The following PACRG variants were observed in gnomAD, a reference collection of about 807,000 sequenced individuals.
PACRG encodes parkin coregulated.
PACRG carries 29 observed loss-of-function variants against 29.7 expected under a neutral mutation model. That is an observed-to-expected ratio of 0.98 (90% confidence interval 0.73 to 1.33). The LOEUF (loss-of-function observed/expected upper bound fraction) is 1.33. Among genes scored for constraint, PACRG ranks in the 40% most tolerant of loss-of-function variants. The pLI is 0.00. For synonymous variants in PACRG, 116 were observed against 118.7 expected (o/e 0.98, Z 0.15); for missense variants, 279 against 316.2 (o/e 0.88, Z 0.89).
intron 2 of PACRG, among the ~76,000 whole-genome samples, chr6:162,876,078 T>C (rs1285424658): frequency 6.6e-6 from 1 of 152,200 alleles, no homozygotes; most frequent in Non-Finnish European, 1.5e-5. Context: ...AAACCATGCA[T>C]GCTTCCCGGG....
intron 4 of PACRG, among the ~76,000 whole-genome samples, chr6:163,236,942 A>G (rs1318948237): frequency 6.6e-6 from 1 of 152,044 alleles, no homozygotes; most frequent in African/African-American, 2.4e-5. Context: ...AGTGCTACAC[A>G]CTTTTACAAC....
At chr6:163,119,434 T>C (rs1018556587) in intron 4 of PACRG, among the ~76,000 whole-genome samples, 2 of 152,198 alleles carry the variant, frequency 1.3e-5, no homozygotes, top group African/African-American at 4.8e-5. Flanking sequence ...AAATTGGCTT[T>C]TCCTGGCACG....
At chr6:162,921,198 C>T (rs1230982548) in intron 2 of PACRG, among the ~76,000 whole-genome samples, 1 of 152,102 alleles carries the variant, frequency 6.6e-6, no homozygotes, top group Non-Finnish European at 1.5e-5. Context: ...AGCCTTGTCA[C>T]GTAGACCCAG....
At chr6:162,747,474 C>CTATATATA (rs377352285) in intron 1 of PACRG, among the ~76,000 whole-genome samples, 1,954 of 44,758 alleles carry the variant, frequency 0.044, 393 homozygotes, top group African/African-American at 0.11. Flanking sequence ...ATATGTAAAA[C>CTATATATA]TATATATATA....
chr6:163,290,268 G>T lies in PACRG; in HGVS notation c.614-24559G>T, dbSNP rs532664083. 1.2e-3 allele frequency among the ~76,000 whole-genome samples: 121 copies of T among 100,614 alleles called. 1 individual carries two copies. Among genetic ancestry groups the T allele is most frequent in the African/African-American group, 4.9e-3 (118 of 24,262 alleles). 66.0% of individuals were successfully genotyped at this position (100,614 alleles called of 152,430 possible). On this transcript the variant is annotated intron_variant, in intron 4 of 4. Coordinates refer to ENST00000366888, the MANE Select transcript of PACRG (RefSeq NM_001080379.2). ...ATCATACGCACATGTGCGCATGCAC[G>T]CGCGCGCGCGCACACACACACACAC...
At chr6:163,161,581 G>A (rs184482447) in intron 4 of PACRG, among the ~76,000 whole-genome samples, 13 of 152,290 alleles carry the variant, frequency 8.5e-5, no homozygotes, top group Admixed American at 2.0e-4. Context: ...GTACACGTGC[G>A]TATATTTTGT....
At chr6:163,264,916 G>A (rs1274422965) in intron 4 of PACRG, among the ~76,000 whole-genome samples, 4 of 152,150 alleles carry the variant, frequency 2.6e-5, no homozygotes, top group Non-Finnish European at 2.9e-5. Context: ...ACCTAGGAGG[G>A]ATGGCCTCTG....
At chr6:162,881,674 C>T (rs1793856920) in intron 2 of PACRG, among the ~76,000 whole-genome samples, 8 of 147,386 alleles carry the variant, frequency 5.4e-5, no homozygotes, top group Middle Eastern at 4.0e-3. Flanking sequence ...ACCAGAGACC[C>T]AGGGACACTC....
intron 1 of PACRG, among the ~76,000 whole-genome samples, chr6:162,735,846 A>G (rs1413099365): frequency 6.6e-6 from 1 of 152,216 alleles, no homozygotes; most frequent in Non-Finnish European, 1.5e-5. Flanking sequence ...ATACATATAC[A>G]TTAAGACACA....
intron 2 of PACRG, among the ~76,000 whole-genome samples, chr6:162,864,963 G>T (rs1426139303): frequency 6.6e-6 from 1 of 152,142 alleles, no homozygotes; most frequent in Non-Finnish European, 1.5e-5. Flanking sequence ...GAATCCAGTA[G>T]AAATGCCTTT....
At chr6:163,193,131 C>T (rs1391970410) in intron 4 of PACRG, among the ~76,000 whole-genome samples, 1 of 151,998 alleles carries the variant, frequency 6.6e-6, no homozygotes, top group Non-Finnish European at 1.5e-5. Flanking sequence ...TTCAAGCACA[C>T]TGGCATGTAA....
intron 4 of PACRG, among the ~76,000 whole-genome samples, chr6:163,204,977 A>G (rs1780844792): frequency 6.6e-6 from 1 of 152,240 alleles, no homozygotes; most frequent in African/African-American, 2.4e-5. Context: ...CAATAGTCAC[A>G]GAAAGAATAA....
rs762267513 is a variant in PACRG, at chr6:163,288,830, T to C, written c.614-25997T>C. ...AAATAACTACAATTTAGGGGGTATG[T>C]GTGTAGCAAAACATCATGGAATGCA... On this transcript the variant is annotated intron_variant, in intron 4 of 4. Coordinates refer to ENST00000366888, the MANE Select transcript of PACRG (RefSeq NM_001080379.2). Among the ~76,000 whole-genome samples, 6 of 152,312 alleles carry C rather than the reference T, an allele frequency of 3.9e-5. No individual in the cohort carries two copies. The East Asian group carries it at 9.6e-4, about 24-fold the overall frequency.
At chr6:163,081,852 A>G (rs1813114777) in intron 3 of PACRG, among the ~76,000 whole-genome samples, 1 of 152,210 alleles carries the variant, frequency 6.6e-6, no homozygotes, top group Non-Finnish European at 1.5e-5. Context: ...AGAATGATAA[A>G]AAAACTAACA....
At chr6:163,167,709 A>G (rs1273267718) in intron 4 of PACRG, among the ~76,000 whole-genome samples, 1 of 152,250 alleles carries the variant, frequency 6.6e-6, no homozygotes, top group Non-Finnish European at 1.5e-5. Context: ...TTAGTTTGTC[A>G]TAGAATCAAG....
chr6:162,805,797 A>C (rs550477827), intron 1 of PACRG, among the ~76,000 whole-genome samples: 7 of 152,314 alleles, frequency 4.6e-5, no homozygotes, highest in Admixed American at 4.6e-4. Flanking sequence ...GCTCCTCATT[A>C]AAGTTTTTTA....
intron 2 of PACRG, among the ~76,000 whole-genome samples, chr6:162,846,082 G>A (rs1165237260): frequency 6.6e-6 from 1 of 152,166 alleles, no homozygotes; most frequent in African/African-American, 2.4e-5. Flanking sequence ...GGGGAGGGAA[G>A]GAAGGAAGCT....
chr6:162,744,236 G>A (rs910452573), intron 1 of PACRG, among the ~76,000 whole-genome samples: 1 of 152,080 alleles, frequency 6.6e-6, no homozygotes, highest in Non-Finnish European at 1.5e-5. Context: ...TTTGTCTGTA[G>A]TTATTCTGGA....
At chr6:162,802,337 T>C (rs998552899) in intron 1 of PACRG, among the ~76,000 whole-genome samples, 5 of 152,332 alleles carry the variant, frequency 3.3e-5, no homozygotes, top group Non-Finnish European at 5.9e-5. Flanking sequence ...AATAATTTAG[T>C]TTATGTGACC....
Sources: allele counts gnomAD v4.1 joint callset (sites outside exome capture counted in the v4.1 genomes callset), GRCh38; gene constraint gnomAD v4.1.1; transcripts MANE v1.5; gene names NCBI Gene and HGNC (gene_info 2026-07-23, HGNC 2026-07-21).